NPAS3: variants seen among roughly 807,000 people sequenced by gnomAD.
NPAS3 encodes neuronal PAS domain-containing protein 3.
In NPAS3, 14 loss-of-function variants were observed where a neutral mutation model predicts 73.1. The ratio of observed to expected loss-of-function variants is 0.19; its 90% CI spans 0.13 to 0.30. NPAS3 has a LOEUF of 0.30. Ranked by LOEUF, NPAS3 falls within the 10% of genes least tolerant of loss-of-function variation. The pLI is 1.00. For synonymous variants in NPAS3, 620 were observed against 541.5 expected (o/e 1.14, Z -2.01); for missense variants, 1,096 against 1,250.0 (o/e 0.88, Z 1.86).
chr14:33,091,976 A>G (rs919529905), intron 2 of NPAS3, among the ~76,000 whole-genome samples: 4 of 152,216 alleles, frequency 2.6e-5, no homozygotes, highest in Non-Finnish European at 4.4e-5. Context: ...GTATCTCAAA[A>G]TAATAAGAGC....
At chr14:33,295,954 A>G (rs1242071848) in intron 3 of NPAS3, among the ~76,000 whole-genome samples, 1 of 152,230 alleles carries the variant, frequency 6.6e-6, no homozygotes, top group Non-Finnish European at 1.5e-5. Flanking sequence ...TTAACTCATT[A>G]TTTGATCATG....
At chr14:33,416,757 T>A (rs1346865841) in intron 4 of NPAS3, among the ~76,000 whole-genome samples, 1 of 152,010 alleles carries the variant, frequency 6.6e-6, no homozygotes, top group Non-Finnish European at 1.5e-5. Flanking sequence ...TGAGAAAAGA[T>A]GAAAAAAATG....
chr14:33,451,137 G>A (rs1381260105), intron 4 of NPAS3, among the ~76,000 whole-genome samples: 1 of 152,092 alleles, frequency 6.6e-6, no homozygotes, highest in African/African-American at 2.4e-5. Context: ...ACCTTTTCTA[G>A]TCTCTGGCAC....
chr14:33,773,006 G>T (rs940119725), intron 7 of NPAS3, among the ~76,000 whole-genome samples: 3 of 152,174 alleles, frequency 2.0e-5, no homozygotes, highest in Non-Finnish European at 4.4e-5. Flanking sequence ...AACTCTGAAG[G>T]GCAGCCCTGT....
In NPAS3 at chr14:33,544,781, G is replaced by GTA. The variant is rs1274131254; in HGVS notation, c.469-15339_469-15338insAT. Among the ~76,000 whole-genome samples the GTA allele has an allele frequency of 1.9e-3, 96 of 51,236 alleles. 3 individuals carry two copies. Among genetic ancestry groups the GTA allele is most frequent in the South Asian group, 0.011 (25 of 2,274 alleles). The allele number at this position is 51,236 out of a possible 152,430, so 33.6% of individuals were successfully genotyped here. A position where few individuals can be genotyped will look rare whatever the true frequency, so the allele number is the denominator to read the frequency against. On this transcript the variant is annotated intron_variant, in intron 4 of 11. Coordinates refer to ENST00000356141, the Ensembl canonical transcript of NPAS3. Reference sequence around the variant, plus strand: ...AACATATGCATGTATGTGTTTATGTGTGTGTATTATATATATATATATATA... The same window carrying GTA: ...AACATATGCATGTATGTGTTTATGTGTATGTGTATTATATATATATATATATA...
intron 6 of NPAS3, among the ~76,000 whole-genome samples, chr14:33,699,865 T>C (rs2060481748): frequency 6.6e-6 from 1 of 152,156 alleles, no homozygotes; most frequent in South Asian, 2.1e-4. Flanking sequence ...AGCTCATATA[T>C]TCCAAATAAC....
intron 3 of NPAS3, among the ~76,000 whole-genome samples, chr14:33,308,531 TACACACACACAC>T: frequency 8.6e-6 from 1 of 116,012 alleles, no homozygotes; most frequent in East Asian, 2.7e-4. Context: ...TATATATACA[TACACACACACAC>T]ACACACACAC....
chr14:33,623,639 G>T (rs765992280), intron 5 of NPAS3, among the ~76,000 whole-genome samples: 3 of 152,066 alleles, frequency 2.0e-5, no homozygotes, highest in African/African-American at 4.8e-5. Context: ...TCTCTCCAAG[G>T]CCTTCCCATC....
At chr14:33,523,873 C>T (rs2053670638) in intron 4 of NPAS3, among the ~76,000 whole-genome samples, 1 of 152,078 alleles carries the variant, frequency 6.6e-6, no homozygotes, top group South Asian at 2.1e-4. Context: ...CATGATGGAC[C>T]TCCCTTATAT....
At chr14:33,373,446 A>G (rs1268335870) in intron 4 of NPAS3, among the ~76,000 whole-genome samples, 2 of 151,342 alleles carry the variant, frequency 1.3e-5, no homozygotes, top group Non-Finnish European at 2.9e-5. Flanking sequence ...AATACATGCC[A>G]TTACTAAGAA....
At chr14:33,683,061 CTTCT>C (rs2059984873) in intron 6 of NPAS3, among the ~76,000 whole-genome samples, 1 of 11,990 alleles carries the variant, frequency 8.3e-5, no homozygotes, top group African/African-American at 3.3e-3. Context: ...CTAACTTTCT[CTTCT>C]CTTTCAAAAT....
chr14:33,148,588 A>G (rs2044329866), intron 2 of NPAS3, among the ~76,000 whole-genome samples: 1 of 152,184 alleles, frequency 6.6e-6, no homozygotes, highest in Non-Finnish European at 1.5e-5. Flanking sequence ...GCTAAGTAAA[A>G]TATGTTTTTA....
Position 33,799,717 on chromosome 14 carries a change from C to T in NPAS3, c.1427-17C>T, listed in dbSNP as rs1231453126. 4.5e-6 allele frequency: 7 copies of T among 1,548,942 alleles called. No individual in the cohort carries two copies. The highest frequency in any genetic ancestry group is 3.5e-6 in the Non-Finnish European group (4 of 1,146,856). On this transcript the variant is annotated splice_polypyrimidine_tract_variant and intron_variant, in intron 11 of 11. Coordinates refer to ENST00000356141, the Ensembl canonical transcript of NPAS3. ...CTCTCTCCGCCCCCGCCACCGCCGG[C>T]CCCCCGCCCCACACAGAGGACAACG...
intron 5 of NPAS3, among the ~76,000 whole-genome samples, chr14:33,674,155 G>A (rs1004826057): frequency 5.3e-5 from 8 of 152,140 alleles, no homozygotes; most frequent in African/African-American, 1.9e-4. Flanking sequence ...AGCAAATCAG[G>A]ATGTGGAGAG....
chr14:33,399,743 C>T (rs1217479369), intron 4 of NPAS3, among the ~76,000 whole-genome samples: 1 of 150,732 alleles, frequency 6.6e-6, no homozygotes, highest in Non-Finnish European at 1.5e-5. Context: ...GATTTTTAAT[C>T]TCACTACTCT....
intron 7 of NPAS3, among the ~76,000 whole-genome samples, chr14:33,756,283 A>G (rs1407720274): frequency 6.6e-6 from 1 of 152,206 alleles, no homozygotes; most frequent in African/African-American, 2.4e-5. Flanking sequence ...CCTACTACAT[A>G]GTGAATGCCC....
chr14:33,373,268 C>A (rs999265874), intron 4 of NPAS3, among the ~76,000 whole-genome samples: 4 of 152,100 alleles, frequency 2.6e-5, no homozygotes, highest in Admixed American at 6.5e-5. Context: ...TTTTTGCAAA[C>A]TCCATAGTAA....
chr14:32,987,247 T>G (rs1283674611), intron 1 of NPAS3, among the ~76,000 whole-genome samples: 5 of 143,670 alleles, frequency 3.5e-5, no homozygotes, highest in African/African-American at 1.1e-4. Context: ...TTTTTTTTAG[T>G]GAATTGGTCT....
intron 4 of NPAS3, among the ~76,000 whole-genome samples, chr14:33,505,681 A>G (rs1469383615): frequency 6.6e-6 from 1 of 152,036 alleles, no homozygotes; most frequent in Admixed American, 6.6e-5. Context: ...CCGGAAAAAA[A>G]GAACAGAACT....
Sources: allele counts gnomAD v4.1 joint callset (sites outside exome capture counted in the v4.1 genomes callset), GRCh38; gene constraint gnomAD v4.1.1; transcripts MANE v1.5; gene names NCBI Gene and HGNC (gene_info 2026-07-23, HGNC 2026-07-21).